Variants in UNC13B observed in about 807,000 individuals in gnomAD.
UNC13B encodes protein unc-13 homolog B.
UNC13B carries 144 observed loss-of-function variants against 211.0 expected under a neutral mutation model. The ratio of observed to expected loss-of-function variants is 0.68; its 90% CI spans 0.60 to 0.78. The LOEUF is 0.78. UNC13B is among the 30% of genes least tolerant of loss of function. The pLI, the probability that UNC13B is intolerant of heterozygous loss-of-function variation, is 0.00. For synonymous variants in UNC13B, 709 were observed against 725.8 expected, an observed-to-expected ratio of 0.98 and a Z score of 0.37; for missense variants, 1,777 against 2,002.0, an observed-to-expected ratio of 0.89 and a Z score of 2.14.
chr9:35,163,067 G>C (rs1211409288), intron 1 of UNC13B, among the ~76,000 whole-genome samples: 1 of 152,138 alleles, frequency 6.6e-6, no homozygotes, highest in Middle Eastern at 3.2e-3. Flanking sequence ...TGTATTCCTG[G>C]TGTCTGACGT....
At chr9:35,234,334 G>A (rs1221661661) in intron 3 of UNC13B, among the ~76,000 whole-genome samples, 11 of 152,028 alleles carry the variant, frequency 7.2e-5, no homozygotes, top group Admixed American at 7.2e-4. Context: ...TGTCCAGGCT[G>A]GTCTCAAACT....
At chr9:35,244,904 G>T (rs1444607855) in intron 6 of UNC13B, among the ~76,000 whole-genome samples, 1 of 151,978 alleles carries the variant, frequency 6.6e-6, no homozygotes, top group Non-Finnish European at 1.5e-5. Context: ...CTCTTTTCAG[G>T]GTTTTCCGTT....
chr9:35,217,791 C>A (rs996829076), intron 1 of UNC13B, among the ~76,000 whole-genome samples: 4 of 152,104 alleles, frequency 2.6e-5, no homozygotes, highest in Non-Finnish European at 5.9e-5. Context: ...CACCTATAAT[C>A]CCAGCACTTT....
intron 37 of UNC13B, 50 bp from the exon 38 acceptor site, chr9:35,403,117 T>C (rs1229119584): frequency 6.3e-7 from 1 of 1,584,940 alleles, no homozygotes; most frequent in Non-Finnish European, 8.7e-7. Context: ...CCCTCAGGTT[T>C]ACCTCCTACA....
intron 1 of UNC13B, among the ~76,000 whole-genome samples, chr9:35,204,344 C>T (rs1289526400): frequency 1.3e-5 from 2 of 152,134 alleles, no homozygotes; most frequent in African/African-American, 2.4e-5. Context: ...GGTGGGAGCC[C>T]CCCCACAGAG....
At chr9:35,382,968 T>A (rs1587740322) in intron 21 of UNC13B, among the ~76,000 whole-genome samples, 1 of 152,188 alleles carries the variant, frequency 6.6e-6, no homozygotes, top group South Asian at 2.1e-4. Flanking sequence ...TCCTTATGGG[T>A]ATGCGGACTA....
At chr9:35,259,112 A>T in intron 7 of UNC13B, 62 bp downstream of exon 7, 2 of 1,559,116 alleles carry the variant, frequency 1.3e-6, no homozygotes, top group Middle Eastern at 1.7e-4. Context: ...TTCTCTGAAC[A>T]TGGGTTATTC....
intron 1 of UNC13B, among the ~76,000 whole-genome samples, chr9:35,218,184 G>C (rs1824364471): frequency 6.6e-6 from 1 of 152,074 alleles, no homozygotes; most frequent in Non-Finnish European, 1.5e-5. Context: ...TAAGAGCCAA[G>C]GGAAAAGAGT....
At chr9:35,386,032 TTTCATCACAGG>T in intron 23 of UNC13B, 122 bp from the exon 24 acceptor site, 1 of 1,480,794 alleles carries the variant, frequency 6.8e-7, no homozygotes, top group Non-Finnish European at 9.1e-7. Flanking sequence ...ATCCTGGCAA[TTTCATCACAGG>T]GAAAAGTCTA....
intron 11 of UNC13B, among the ~76,000 whole-genome samples, chr9:35,322,148 CTG>C (rs1360320218): frequency 5.3e-5 from 8 of 152,198 alleles, no homozygotes; most frequent in African/African-American, 1.9e-4. Flanking sequence ...AGAGTCATCT[CTG>C]TGTCTTCTGG....
At chr9:35,289,314 A>C (rs1828965033) in intron 7 of UNC13B, among the ~76,000 whole-genome samples, 1 of 152,218 alleles carries the variant, frequency 6.6e-6, no homozygotes, top group Non-Finnish European at 1.5e-5. Flanking sequence ...AGGGAGTCAC[A>C]CACTCAGAAC....
Position 35,305,220 on chromosome 9 carries a change from C to T in UNC13B, c.5816C>T (p.Ser1939Phe). Residue 1939 changes from serine to phenylalanine, a missense_variant, in exon 9 of 40, where the codon TCT (serine) becomes TTT (phenylalanine). Transcript: ENST00000635942. ...VSMTANEKQS[S>F]GFLNLFKTQV... ...ATGACAGCAAATGAAAAACAGTCAT[C>T]TGGATTTTTGAATCTTTTTAAGACT... The T allele has an allele frequency of 2.5e-6, 1 of 398,912 alleles. No individual in the cohort carries two copies. The highest frequency in any genetic ancestry group is 4.4e-6 in the Non-Finnish European group (1 of 226,004). 24.7% of individuals were successfully genotyped at this position (398,912 alleles called of 1,614,324 possible).
At position 35,245,316 on chromosome 9, in the gene UNC13B, C is replaced by T. The variant is rs1398757376; in HGVS notation, c.468+1952C>T. 3.3e-5 allele frequency among the ~76,000 whole-genome samples: 5 copies of T among 150,948 alleles called. No individual in the cohort carries two copies. In the East Asian group the frequency reaches 9.7e-4, roughly 29 times the overall value. ...GTTCTTGGTCTGTGGTTCCCAACTGCATATCAGATTTTTGCTTTCTGTTTT... is the reference window on the plus strand; with the variant it reads ...GTTCTTGGTCTGTGGTTCCCAACTGTATATCAGATTTTTGCTTTCTGTTTT... On this transcript the variant is annotated intron_variant, in intron 6 of 39. Transcript: ENST00000635942.
intron 1 of UNC13B, among the ~76,000 whole-genome samples, chr9:35,177,081 C>T (rs569548311): frequency 1.3e-5 from 2 of 152,006 alleles, no homozygotes; most frequent in Non-Finnish European, 2.9e-5. Flanking sequence ...TGAGCCACAG[C>T]GCAGCCTGGC....
chr9:35,343,667 G>A (rs1204804463), intron 11 of UNC13B, among the ~76,000 whole-genome samples: 1 of 152,082 alleles, frequency 6.6e-6, no homozygotes, highest in Non-Finnish European at 1.5e-5. Context: ...GACTGCCTCT[G>A]GGATGACAGT....
chr9:35,236,606 G>C lies in UNC13B; in HGVS notation c.270+20G>C, dbSNP rs200407901. 6.2e-6 allele frequency: 10 copies of C among 1,604,290 alleles called. No individual in the cohort carries two copies. In the South Asian group the frequency reaches 6.6e-5, roughly 11 times the overall value. ...GATGAGGTCAGTCATTGCATTTTCT[G>C]TTTGGAAGTATGGTTCCCAGCCCAT... is the stretch of plus-strand genomic sequence containing the variant. On this transcript the variant is annotated intron_variant, in intron 4 of 39. Coordinates refer to ENST00000635942, the MANE Select transcript of UNC13B (RefSeq NM_001371189.2).
intron 11 of UNC13B, among the ~76,000 whole-genome samples, chr9:35,358,684 T>A (rs1448823109): frequency 6.7e-6 from 1 of 150,352 alleles, no homozygotes; most frequent in African/African-American, 2.5e-5. Context: ...TATATTTAGG[T>A]CTATGATTTT....
At chr9:35,255,926 C>G (rs1250417345) in intron 6 of UNC13B, among the ~76,000 whole-genome samples, 1 of 152,136 alleles carries the variant, frequency 6.6e-6, no homozygotes, top group Non-Finnish European at 1.5e-5. Context: ...AGAGTCAAAA[C>G]CATGAACTGA....
At chr9:35,389,754 G>A in intron 24 of UNC13B, 92 bp from the exon 25 acceptor site, 1 of 1,409,652 alleles carries the variant, frequency 7.1e-7, no homozygotes. Context: ...AAGAGGTATA[G>A]GAAGGGGAAG....
Sources: allele counts gnomAD v4.1 joint callset (sites outside exome capture counted in the v4.1 genomes callset), GRCh38; gene constraint gnomAD v4.1.1; transcripts MANE v1.5; gene names NCBI Gene and HGNC (gene_info 2026-07-23, HGNC 2026-07-21).